The following FBXL2 variants were observed in gnomAD, a reference collection of about 807,000 sequenced individuals.
The protein encoded by FBXL2 is F-box and leucine rich repeat protein 2.
In FBXL2, 38 loss-of-function variants were observed where a neutral mutation model predicts 69.2. That is an observed-to-expected ratio of 0.55 (90% CI 0.42 to 0.72). The LOEUF is 0.72. FBXL2 is among the 30% of genes least tolerant of loss of function. The pLI, the probability that FBXL2 is intolerant of heterozygous loss-of-function variation, is 0.00. For missense variants in FBXL2, 354 were observed against 520.3 expected, an observed-to-expected ratio of 0.68 and a Z score of 3.11; for synonymous variants, 192 against 201.3, an observed-to-expected ratio of 0.95 and a Z score of 0.39.
intron 2 of FBXL2, among the ~76,000 whole-genome samples, chr3:33,333,868 C>A (rs1446780448): frequency 6.6e-6 from 1 of 152,088 alleles, no homozygotes; most frequent in African/African-American, 2.4e-5. Context: ...AACCAAAAAG[C>A]AAACAAAAAG....
intron 2 of FBXL2, among the ~76,000 whole-genome samples, chr3:33,342,893 GTT>G (rs60623868): frequency 0.013 from 1,286 of 99,266 alleles, 21 homozygotes; most frequent in African/African-American, 0.046. Flanking sequence ...ACGCCCAGCT[GTT>G]TTTTTTTTTT....
intron 2 of FBXL2, among the ~76,000 whole-genome samples, chr3:33,346,329 A>C (rs1482839451): frequency 2.6e-5 from 4 of 152,162 alleles, no homozygotes; most frequent in South Asian, 4.1e-4. Context: ...TAAAGAAATG[A>C]AATAATGGGC....
chr3:33,280,874 A>G (rs911104207), intron 1 of FBXL2, among the ~76,000 whole-genome samples: 4 of 152,016 alleles, frequency 2.6e-5, no homozygotes, highest in East Asian at 1.9e-4. Context: ...TTGGAAATAA[A>G]TAATATTTTA....
intron 1 of FBXL2, chr3:33,278,142 T>C (rs2033526591): frequency 6.6e-6 from 1 of 152,170 alleles, no homozygotes; most frequent in African/African-American, 2.4e-5. Flanking sequence ...AATTAGTGCA[T>C]TGTAAACGTC....
intron 1 of FBXL2, among the ~76,000 whole-genome samples, chr3:33,287,156 C>G (rs1460647002): frequency 1.3e-5 from 2 of 152,152 alleles, no homozygotes; most frequent in Admixed American, 6.5e-5. Flanking sequence ...CTTGGAACCT[C>G]CCACCCTAAA....
chr3:33,301,683 TC>T (rs751539695), intron 2 of FBXL2, among the ~76,000 whole-genome samples: 9 of 152,236 alleles, frequency 5.9e-5, no homozygotes, highest in Non-Finnish European at 1.2e-4. Context: ...TGAAGTTTTT[TC>T]CCTACCCTTT....
intron 2 of FBXL2, among the ~76,000 whole-genome samples, chr3:33,352,741 C>T (rs1345850583): frequency 1.3e-5 from 2 of 151,984 alleles, no homozygotes; most frequent in African/African-American, 2.4e-5. Context: ...ACTAAAAATA[C>T]AAAAATTAGC....
At chr3:33,351,686 C>T (rs1433085407) in intron 2 of FBXL2, among the ~76,000 whole-genome samples, 1 of 152,156 alleles carries the variant, frequency 6.6e-6, no homozygotes, top group East Asian at 1.9e-4. Flanking sequence ...AACTCTTATT[C>T]ATTGTTGGTG....
the FBXL2 span, chr3:33,409,127 A>C: frequency 9.4e-7 from 1 of 1,062,710 alleles, no homozygotes; most frequent in Non-Finnish European, 1.4e-6. Context: ...ATAACATGTC[A>C]AACTGCCACC....
At chr3:33,343,836 T>C (rs907918449) in intron 2 of FBXL2, among the ~76,000 whole-genome samples, 2 of 152,142 alleles carry the variant, frequency 1.3e-5, no homozygotes, top group East Asian at 1.9e-4. Context: ...ATTTGTACTC[T>C]TGCCCTTGGG....
chr3:33,350,835 A>G (rs1020718890), intron 2 of FBXL2, among the ~76,000 whole-genome samples: 4 of 152,180 alleles, frequency 2.6e-5, no homozygotes, highest in Non-Finnish European at 5.9e-5. Context: ...CAGTATTGGA[A>G]GTCCTATCTA....
At chr3:33,390,203 C>T, downstream of FBXL2, 3 of 913,242 alleles carry the variant, frequency 3.3e-6, no homozygotes, top group Non-Finnish European at 5.1e-6. Flanking sequence ...TTAGAAAGGT[C>T]ATCTTGTGTT....
At chr3:33,332,818 T>C (rs2039271369) in intron 2 of FBXL2, among the ~76,000 whole-genome samples, 1 of 152,210 alleles carries the variant, frequency 6.6e-6, no homozygotes, top group South Asian at 2.1e-4. Context: ...AGTATTATAA[T>C]CTAGGATCAC....
chr3:33,400,044 T>C (rs1051708215), intron 12 of FBXL2: 20 of 449,196 alleles, frequency 4.5e-5, no homozygotes, highest in African/African-American at 2.7e-4. Flanking sequence ...TATTGGGGGA[T>C]AGATATAAAG....
At chr3:33,373,505 A>T (rs2042430623) in intron 7 of FBXL2, 73 bp from the exon 8 acceptor site, 51 of 1,606,092 alleles carry the variant, frequency 3.2e-5, no homozygotes, top group Non-Finnish European at 4.3e-5. Flanking sequence ...CTTGTGATGT[A>T]CTAAACTCAG....
At chr3:33,379,461 TCTC>T (rs1351765657) in intron 13 of FBXL2, among the ~76,000 whole-genome samples, 1 of 151,492 alleles carries the variant, frequency 6.6e-6, no homozygotes, top group African/African-American at 2.4e-5. Context: ...TTCAAGCTAT[TCTC>T]CTGCCTCATC....
At chr3:33,309,862 G>A (rs1161028339) in intron 2 of FBXL2, among the ~76,000 whole-genome samples, 1 of 152,022 alleles carries the variant, frequency 6.6e-6, no homozygotes, top group Non-Finnish European at 1.5e-5. Context: ...AGCTGTTAAC[G>A]ACTTTAATCA....
chr3:33,406,772 C>A (rs1324366765), downstream of FBXL2, among the ~76,000 whole-genome samples: 1 of 152,182 alleles, frequency 6.6e-6, no homozygotes, highest in Non-Finnish European at 1.5e-5. Flanking sequence ...TGAACACAGT[C>A]CCTCCCCAGG....
chr3:33,340,261 A>C (rs1047479017), intron 2 of FBXL2, among the ~76,000 whole-genome samples: 1 of 152,130 alleles, frequency 6.6e-6, no homozygotes, highest in African/African-American at 2.4e-5. Context: ...ACCTTAGTGG[A>C]TGAATGTTAT....
Sources: allele counts gnomAD v4.1 joint callset (sites outside exome capture counted in the v4.1 genomes callset), GRCh38; gene constraint gnomAD v4.1.1; transcripts MANE v1.5; gene names NCBI Gene and HGNC (gene_info 2026-07-23, HGNC 2026-07-21).